Variants in PLAC8L1 observed in about 807,000 individuals in gnomAD.
PLAC8L1 encodes the protein PLAC8-like protein 1.
PLAC8L1 carries 13 observed loss-of-function variants against 16.3 expected under a neutral mutation model. The observed-to-expected ratio is 0.80, with a 90% CI of 0.52 to 1.27. The LOEUF (loss-of-function observed/expected upper bound fraction) is 1.27, where lower values mean the gene tolerates loss of function less well. PLAC8L1 is among the 50% of genes most tolerant of loss of function. PLAC8L1 has a pLI of 0.00. For synonymous variants in PLAC8L1, 78 were observed against 79.3 expected, an observed-to-expected ratio of 0.98 and a Z score of 0.09; for missense variants, 184 against 220.2, an observed-to-expected ratio of 0.84 and a Z score of 1.04.
At chr5:146,099,603 G>A (rs921886097) in intron 1 of PLAC8L1, among the ~76,000 whole-genome samples, 3 of 148,638 alleles carry the variant, frequency 2.0e-5, no homozygotes, top group Admixed American at 1.4e-4. Flanking sequence ...AGGTTGCAGC[G>A]AGCTGAGATC....
At chr5:146,099,726 T>C (rs1252970103) in intron 1 of PLAC8L1, among the ~76,000 whole-genome samples, 3 of 150,438 alleles carry the variant, frequency 2.0e-5, no homozygotes, top group African/African-American at 7.4e-5. Context: ...CTGGGACACA[T>C]GGCCTGGAGG....
intron 2 of PLAC8L1, among the ~76,000 whole-genome samples, chr5:146,089,970 C>G (rs2150034361): frequency 6.6e-6 from 1 of 152,002 alleles, no homozygotes; most frequent in Middle Eastern, 3.4e-3. Context: ...AACTCCTGAC[C>G]TCAGGTGATC....
chr5:146,103,993 A>G (rs1763866785), intron 1 of PLAC8L1, 200 bp downstream of exon 1: 1 of 985,320 alleles, frequency 1.0e-6, no homozygotes, highest in African/African-American at 1.7e-5. Flanking sequence ...CACCCAAGCC[A>G]GCCCTTTTCT....
At chr5:146,098,061 A>T (rs1166202700) in intron 2 of PLAC8L1, 95 bp downstream of exon 2, 1 of 1,361,796 alleles carries the variant, frequency 7.3e-7, no homozygotes, top group African/African-American at 1.5e-5. Context: ...AAAACATTTA[A>T]TTTCTGTCCT....
chr5:146,088,250 C>T (rs1427190596), intron 2 of PLAC8L1, among the ~76,000 whole-genome samples: 1 of 152,196 alleles, frequency 6.6e-6, no homozygotes, highest in Non-Finnish European at 1.5e-5. Context: ...GCATGAAACA[C>T]CACTTCTGGC....
At chr5:146,095,428 C>A (rs935514892) in intron 2 of PLAC8L1, among the ~76,000 whole-genome samples, 1 of 152,166 alleles carries the variant, frequency 6.6e-6, no homozygotes, top group Admixed American at 6.5e-5. Context: ...TGAAGTAATG[C>A]TTAAGGCAAA....
At chr5:146,094,371 G>A (rs1253794358) in intron 2 of PLAC8L1, among the ~76,000 whole-genome samples, 4 of 152,114 alleles carry the variant, frequency 2.6e-5, no homozygotes, top group Admixed American at 1.3e-4. Flanking sequence ...TGAAGCCACC[G>A]CACCCAGCCT....
chr5:146,085,413 AG>A (rs1763492138), intron 3 of PLAC8L1, 47 bp downstream of exon 3: 2 of 1,562,018 alleles, frequency 1.3e-6, no homozygotes, highest in Non-Finnish European at 1.7e-6. Context: ...GAAGGCATCT[AG>A]GTTTTCATAC....
At chr5:146,098,393 G>A in intron 1 of PLAC8L1, 101 bp from the exon 2 acceptor site, 3 of 1,165,888 alleles carry the variant, frequency 2.6e-6, no homozygotes, top group African/African-American at 1.5e-5. Flanking sequence ...GGGACCCAAT[G>A]ATGCCAAGGG....
Position 146,093,180 on chromosome 5 carries a change from C to A in PLAC8L1, c.256+4976G>T, listed in dbSNP as rs149651425. Among the ~76,000 whole-genome samples the A allele has an allele frequency of 3.9e-3, 587 of 151,728 alleles. 4 individuals carry two copies. Among genetic ancestry groups the A allele is most frequent in the Non-Finnish European group, 6.6e-3 (446 of 67,926 alleles). ...ATTATATAATACTTTTATAATTAAACATCTATTTTAACTTTTTAGATTTCT... is the reference window on the plus strand; with the variant it reads ...ATTATATAATACTTTTATAATTAAAAATCTATTTTAACTTTTTAGATTTCT... On this transcript the variant is annotated intron_variant, in intron 2 of 3. Coordinates refer to ENST00000311450, the MANE Select transcript of PLAC8L1 (RefSeq NM_001029869.3).
intron 2 of PLAC8L1, among the ~76,000 whole-genome samples, chr5:146,091,748 G>A (rs1763622122): frequency 6.6e-6 from 1 of 152,190 alleles, no homozygotes; most frequent in Non-Finnish European, 1.5e-5. Flanking sequence ...GTTACAATGA[G>A]CTGTAATCAT....
intron 3 of PLAC8L1, among the ~76,000 whole-genome samples, chr5:146,085,162 A>G (rs545345736): frequency 6.6e-6 from 1 of 152,256 alleles, no homozygotes; most frequent in Non-Finnish European, 1.5e-5. Context: ...TCACACCTGT[A>G]ATCGCAGCAC....
In PLAC8L1 at chr5:146,090,479, G is replaced by A. The variant is rs543684215; in HGVS notation, c.257-4882C>T. ...GAGCTTGAGAGGTGGAGGTTGCCAT[G>A]AGCCGAGATCGGGCCACTGCACTCC... On this transcript the variant is annotated intron_variant, in intron 2 of 3. Coordinates refer to ENST00000311450, the MANE Select transcript of PLAC8L1 (RefSeq NM_001029869.3). 1.6e-4 allele frequency among the ~76,000 whole-genome samples: 25 copies of A among 152,208 alleles called. No individual in the cohort carries two copies. The South Asian group carries it at 5.2e-3, about 32-fold the overall frequency.
chr5:146,101,838 G>A (rs555175571), intron 1 of PLAC8L1, among the ~76,000 whole-genome samples: 21 of 152,122 alleles, frequency 1.4e-4, no homozygotes, highest in Non-Finnish European at 2.5e-4. Flanking sequence ...TCCATCATTA[G>A]GCTAAGAGCT....
chr5:146,096,101 C>T (rs1233858338), intron 2 of PLAC8L1, among the ~76,000 whole-genome samples: 1 of 152,052 alleles, frequency 6.6e-6, no homozygotes, highest in Non-Finnish European at 1.5e-5. Context: ...GAGTTGGTTC[C>T]TTTTGGGGGG....
At chr5:146,089,342 ATTT>A (rs1763571758) in intron 2 of PLAC8L1, among the ~76,000 whole-genome samples, 1 of 152,182 alleles carries the variant, frequency 6.6e-6, no homozygotes, top group Non-Finnish European at 1.5e-5. Context: ...TGAAGAATGA[ATTT>A]TTATTATATA....
intron 2 of PLAC8L1, 137 bp downstream of exon 2, chr5:146,098,019 T>G: frequency 9.8e-7 from 1 of 1,023,972 alleles, no homozygotes; most frequent in East Asian, 2.5e-5. Flanking sequence ...GGAGTACATT[T>G]GAGTCACTGA....
intron 2 of PLAC8L1, among the ~76,000 whole-genome samples, chr5:146,086,587 T>C (rs1763521268): frequency 6.6e-6 from 1 of 152,232 alleles, no homozygotes; most frequent in Admixed American, 6.5e-5. Flanking sequence ...ATTCTAAATA[T>C]GTTTTGGGTC....
intron 2 of PLAC8L1, among the ~76,000 whole-genome samples, chr5:146,090,699 T>C (rs1474906906): frequency 6.6e-6 from 1 of 152,088 alleles, no homozygotes; most frequent in African/African-American, 2.4e-5. Context: ...CTCAATGTCA[T>C]TGGAAATGAA....
Sources: allele counts gnomAD v4.1 joint callset (sites outside exome capture counted in the v4.1 genomes callset), GRCh38; gene constraint gnomAD v4.1.1; transcripts MANE v1.5; gene names NCBI Gene and HGNC (gene_info 2026-07-23, HGNC 2026-07-21).